The following TET1 variants were observed in gnomAD, a reference collection of about 807,000 sequenced individuals.
TET1 encodes the protein methylcytosine dioxygenase TET1.
In TET1, 13 loss-of-function variants were observed where a neutral mutation model predicts 148.7. That is an observed-to-expected ratio of 0.09 (90% CI 0.06 to 0.14). The LOEUF is 0.14. TET1 is among the 10% of genes least tolerant of loss of function. The pLI is 1.00. For synonymous variants in TET1, 907 were observed against 937.2 expected, an observed-to-expected ratio of 0.97 and a Z score of 0.59; for missense variants, 2,182 against 2,553.8, an observed-to-expected ratio of 0.85 and a Z score of 3.14.
Position 68,675,597 on chromosome 10 carries a change from G to A in TET1, c.4824+2552G>A, listed in dbSNP as rs181025003. Among the ~76,000 whole-genome samples, 306 of 140,448 alleles carry A rather than the reference G, an allele frequency of 2.2e-3. 2 individuals are homozygous for A. Among genetic ancestry groups the A allele is most frequent in the African/African-American group, 7.5e-3 (285 of 37,846 alleles). 92.1% of individuals were successfully genotyped at this position (140,448 alleles called of 152,430 possible). A position where few individuals can be genotyped will look rare whatever the true frequency, so the allele number is the denominator to read the frequency against. On this transcript the variant is annotated intron_variant, in intron 8 of 11. Transcript: ENST00000373644. ...TTTTTTTTTTTTGAGTCTGGGTCTC[G>A]CTCTGTCATCCAGGCTGGAGTGCAG...
At chr10:68,607,926 G>A (rs1284306595) in intron 3 of TET1, among the ~76,000 whole-genome samples, 1 of 150,964 alleles carries the variant, frequency 6.6e-6, no homozygotes, top group Non-Finnish European at 1.5e-5. Flanking sequence ...GGTAACAGAG[G>A]TAACAGTGTC....
intron 3 of TET1, among the ~76,000 whole-genome samples, chr10:68,637,518 C>T (rs868353715): frequency 7.5e-4 from 80 of 106,290 alleles, no homozygotes; most frequent in Admixed American, 1.7e-3. Flanking sequence ...GTTTCCTATT[C>T]TTTTTTTTTT....
chr10:68,687,062 T>A (rs921240139), intron 11 of TET1, among the ~76,000 whole-genome samples: 1 of 151,870 alleles, frequency 6.6e-6, no homozygotes, highest in African/African-American at 2.4e-5. Context: ...TAATTTTTTG[T>A]ATTTTTAGTA....
In TET1 at chr10:68,694,419, C is replaced by A. The variant is rs375797494; in HGVS notation, c.*2605C>A. The A allele has an allele frequency of 8.6e-6, 2 of 232,200 alleles. No individual in the cohort carries two copies. The highest frequency in any genetic ancestry group is 1.1e-4 in the Admixed American group (2 of 17,742). 14.4% of individuals were successfully genotyped at this position (232,200 alleles called of 1,614,324 possible). A position where few individuals can be genotyped will look rare whatever the true frequency, so the allele number is the denominator to read the frequency against. ...TTGTGATTGTATGCTGGCTACACTG[C>A]TTTTAGAATGCTCTTTCTCATGAAG... On this transcript the variant is annotated 3_prime_UTR_variant, in exon 12 of 12. Coordinates refer to ENST00000373644, the MANE Select transcript of TET1 (RefSeq NM_030625.3).
At position 68,586,454 on chromosome 10, in the gene TET1, A is replaced by G. The variant is rs1445969814; in HGVS notation, c.1914+12202A>G. On this transcript the variant is annotated intron_variant, in intron 2 of 11. Coordinates refer to ENST00000373644, the MANE Select transcript of TET1 (RefSeq NM_030625.3). The stretch of plus-strand genomic sequence containing the variant: ...CGGCCTCCCAGCTTGCTGGGATTGC[A>G]GGCGTGTGCCATTGCACCCAGCCAG... 2.7e-5 allele frequency among the ~76,000 whole-genome samples: 4 copies of G among 147,720 alleles called. No homozygotes were observed. In the South Asian group the frequency reaches 8.5e-4, roughly 32 times the overall value.
chr10:68,645,742 C>G lies in TET1; in HGVS notation c.3013C>G (p.Leu1005Val). 2 of 1,614,156 alleles carry G rather than the reference C, an allele frequency of 1.2e-6. No homozygotes were observed. Among genetic ancestry groups the G allele is most frequent in the Non-Finnish European group, 1.7e-6 (2 of 1,180,030 alleles). Reference protein sequence around the residue: ...EYSKVTNSLSLFIPKSNSSKI... With the variant: ...EYSKVTNSLSVFIPKSNSSKI... ...TTCAAAAGTCACAAATTCATTATCT[C>G]TTTTTATACCAAAATCAAATTCATC... is the stretch of plus-strand genomic sequence containing the variant. The change falls in exon 4 of 12, where the codon CTT becomes GTT. Residue 1005 changes from leucine (L) to valine (V), a missense_variant. Leu to Val is a conservative substitution (Grantham distance 32). Around this residue, in one of 11 missense-constraint regions of TET1, gnomAD observed 582 missense variants for 599.5 expected, o/e 0.97. Transcript: ENST00000373644.
chr10:68,576,125 G>A (rs539448625), intron 2 of TET1, among the ~76,000 whole-genome samples: 56 of 152,246 alleles, frequency 3.7e-4, no homozygotes, highest in African/African-American at 1.0e-3. Context: ...GGAGGCTGAG[G>A]TGGACAGATC....
chr10:68,572,321 T>G lies in TET1; in HGVS notation c.-18T>G. The G allele has an allele frequency of 6.4e-7, 1 of 1,567,636 alleles. No individual in the cohort carries two copies. The highest frequency in any genetic ancestry group is 1.2e-5 in the South Asian group (1 of 83,060). ...ACTCTGTTTCCTGCGCCCTTTCATT[T>G]TTTCCTACTCTGTAGCTATGTCTCG... On this transcript the variant is annotated 5_prime_UTR_variant, in exon 2 of 12. Transcript: ENST00000373644.
At chr10:68,657,755 C>T (rs1159802662) in intron 6 of TET1, among the ~76,000 whole-genome samples, 2 of 151,916 alleles carry the variant, frequency 1.3e-5, no homozygotes, top group African/African-American at 4.8e-5. Context: ...TGGGAATCTG[C>T]TGGAGTTGTC....
chr10:68,663,646 A>T (rs1040518648), intron 6 of TET1, among the ~76,000 whole-genome samples: 8 of 152,220 alleles, frequency 5.3e-5, no homozygotes, highest in Admixed American at 4.6e-4. Flanking sequence ...TACCAGCAAG[A>T]AGTTAGTGAA....
At position 68,690,912 on chromosome 10, in the gene TET1, G is replaced by T. The variant is rs146039331; in HGVS notation, c.5509G>T (p.Ala1837Ser). ...TAAAACTTATTCGCTGATGCCATCCGCTCCTCACCCAGTGAAAGAGGCATC... is the reference window on the plus strand; with the variant it reads ...TAAAACTTATTCGCTGATGCCATCCTCTCCTCACCCAGTGAAAGAGGCATC... The part of the protein sequence containing the change: ...NTKTYSLMPS[A>S]PHPVKEASPG... Residue 1837 changes from alanine to serine, a missense_variant, in exon 12 of 12, where the codon GCT (alanine) becomes TCT (serine). Transcript: ENST00000373644. 6.8e-5 allele frequency: 109 copies of T among 1,614,004 alleles called. No individual in the cohort carries two copies. The highest frequency in any genetic ancestry group is 8.9e-5 in the Non-Finnish European group (105 of 1,180,038).
intron 1 of TET1, among the ~76,000 whole-genome samples, chr10:68,568,994 G>A (rs2053636596): frequency 6.6e-6 from 1 of 152,106 alleles, no homozygotes; most frequent in African/African-American, 2.4e-5. Flanking sequence ...CTTAGACATA[G>A]CAGGTACTCA....
At chr10:68,592,390 T>C (rs1035716495) in intron 2 of TET1, among the ~76,000 whole-genome samples, 6 of 152,178 alleles carry the variant, frequency 3.9e-5, no homozygotes, top group Admixed American at 3.9e-4. Context: ...CTCTCTTTAG[T>C]TCTCCCCTTG....
chr10:68,620,533 C>A (rs1287248922), intron 3 of TET1, among the ~76,000 whole-genome samples: 2 of 152,026 alleles, frequency 1.3e-5, no homozygotes, highest in Non-Finnish European at 2.9e-5. Flanking sequence ...ATGTATATAG[C>A]TCATTTTCTT....
chr10:68,654,208 T>A (rs115904110), intron 6 of TET1, among the ~76,000 whole-genome samples: 2 of 148,950 alleles, frequency 1.3e-5, no homozygotes, highest in African/African-American at 5.0e-5. Flanking sequence ...AAGAGCTAAG[T>A]AGGCAGAGGA....
rs750784915 is a variant in TET1, at chr10:68,691,677, C to T, written c.6274C>T (p.Pro2092Ser). ...EQKDQAANEG[P>S]EQSSEVNELN... ...AAAAGACCAGGCAGCTAATGAAGGT[C>T]CAGAACAGTCCTCTGAAGTAAATGA... Residue 2092 changes from proline (P) to serine (S), a missense_variant, in exon 12 of 12, where the codon CCA (proline) becomes TCA (serine). Physicochemically the swap from Pro to Ser is moderately conservative, Grantham distance 74 (BLOSUM62 -1). Transcript: ENST00000373644. This position sits in a 1 kb window ranked among gnomAD's most constrained non-coding sequence, Gnocchi z 4.4. 19 of 1,614,138 alleles carry T rather than the reference C, an allele frequency of 1.2e-5. No homozygotes were observed. The highest frequency in any genetic ancestry group is 6.6e-5 in the South Asian group (6 of 91,082).
chr10:68,574,017 C>G lies in TET1; in HGVS notation c.1679C>G (p.Thr560Arg). ...AGCACAGTTCATGTTGTCAACACCA[C>G]AGTGGTGACTATGCCAGTGCCAATG... ...VTSTVHVVNT[T>R]VVTMPVPMVS... Residue 560 changes from threonine to arginine, a missense_variant, in exon 2 of 12, where the codon ACA becomes AGA. Transcript: ENST00000373644. The G allele has an allele frequency of 6.2e-7, 1 of 1,614,156 alleles. No homozygotes were observed. Among genetic ancestry groups the G allele is most frequent in the Non-Finnish European group, 8.5e-7 (1 of 1,180,008 alleles).
intron 3 of TET1, among the ~76,000 whole-genome samples, chr10:68,624,602 C>CTCTTTCTTTCTTTCTTTCTTTCTTTCTT (rs771481993): frequency 3.5e-5 from 4 of 113,952 alleles, no homozygotes; most frequent in Middle Eastern, 4.6e-3. Context: ...TTTTCTTTTT[C>CTCTTTCTTTCTTTCTTTCTTTCTTTCTT]TCTTTCTTTC....
intron 3 of TET1, among the ~76,000 whole-genome samples, chr10:68,640,544 C>CTTTCT (rs1564985245): frequency 2.3e-5 from 1 of 42,886 alleles, no homozygotes; most frequent in Non-Finnish European, 3.8e-5. Flanking sequence ...TTCTTTCTTT[C>CTTTCT]TTTTTTTTTT....
Sources: allele counts gnomAD v4.1 joint callset (sites outside exome capture counted in the v4.1 genomes callset), GRCh38; gene constraint gnomAD v4.1.1; regional missense constraint gnomAD v4.1.1; non-coding constraint Gnocchi (gnomAD v3.1); transcripts MANE v1.5; gene names NCBI Gene and HGNC (gene_info 2026-07-23, HGNC 2026-07-21).